WWOX: variants seen among roughly 807,000 people sequenced by gnomAD.
WWOX encodes the protein WW domain-containing oxidoreductase.
A neutral mutation model predicts 46.2 loss-of-function variants in WWOX; 69 were observed. The ratio of observed to expected loss-of-function variants is 1.49; its 90% CI spans 1.23 to 1.82. The LOEUF (loss-of-function observed/expected upper bound fraction) is 1.82. WWOX is among the 40% of genes most tolerant of loss of function. WWOX has a pLI of 0.00. For synonymous variants in WWOX, 359 were observed against 202.6 expected (o/e 1.77, Z -6.56); for missense variants, 919 against 542.6 (o/e 1.69, Z -6.89).
chr16:78,830,185 AAGG>A (rs1260132714), intron 8 of WWOX, among the ~76,000 whole-genome samples: 2 of 152,194 alleles, frequency 1.3e-5, no homozygotes, highest in Non-Finnish European at 2.9e-5. Context: ...GAAGAAAGAA[AAGG>A]AGGGAGAGGA....
chr16:78,910,334 A>G, intron 8 of WWOX, among the ~76,000 whole-genome samples: 1 of 150,896 alleles, frequency 6.6e-6, no homozygotes, highest in East Asian at 1.9e-4. Context: ...TCTGATTGAG[A>G]CTAACAAGGG....
Position 78,120,628 on chromosome 16 carries a change from T to C in WWOX, c.409+5474T>C, listed in dbSNP as rs1479440956. 7.9e-5 allele frequency among the ~76,000 whole-genome samples: 12 copies of C among 151,258 alleles called. 1 individual carries two copies. The highest frequency in any genetic ancestry group is 3.9e-4 in the Admixed American group (6 of 15,200). Reference sequence around the variant, plus strand: ...AGGGAATCCCAAAATGTAATTATAGTGTGATGTTGAAATTGATTGTCTTAG... The same window carrying C: ...AGGGAATCCCAAAATGTAATTATAGCGTGATGTTGAAATTGATTGTCTTAG... On this transcript the variant is annotated intron_variant, in intron 4 of 8. Coordinates refer to ENST00000566780, the MANE Select transcript of WWOX (RefSeq NM_016373.4).
chr16:78,930,960 C>A (rs372243800), intron 8 of WWOX, among the ~76,000 whole-genome samples: 17 of 152,288 alleles, frequency 1.1e-4, no homozygotes, highest in African/African-American at 4.1e-4. Flanking sequence ...TGAACCTGGA[C>A]ATGTCACTAG....
intron 8 of WWOX, among the ~76,000 whole-genome samples, chr16:78,705,695 T>A (rs558378985): frequency 6.6e-6 from 1 of 152,364 alleles, no homozygotes; most frequent in African/African-American, 2.4e-5. Context: ...TTTATTTATT[T>A]GCTTTTTTAC....
rs570486312 is a variant in WWOX at position 78,699,845 on chromosome 16, A to G, written c.1056+267093A>G. Among the ~76,000 whole-genome samples the G allele has an allele frequency of 9.1e-4, 138 of 152,210 alleles. 3 individuals carry two copies. In the South Asian group the frequency reaches 0.027, roughly 30 times the overall value. On this transcript the variant is annotated intron_variant, in intron 8 of 8. Coordinates refer to ENST00000566780, the MANE Select transcript of WWOX (RefSeq NM_016373.4). ...ATTTATATCCATGTAATATCAGGGTATTTCTCTTTGTAGCTGCATCTTCTA... is the reference window on the plus strand; with the variant it reads ...ATTTATATCCATGTAATATCAGGGTGTTTCTCTTTGTAGCTGCATCTTCTA...
At chr16:78,886,026 G>A (rs1164348232) in intron 8 of WWOX, among the ~76,000 whole-genome samples, 1 of 150,106 alleles carries the variant, frequency 6.7e-6, no homozygotes, top group African/African-American at 2.4e-5. Flanking sequence ...CCAAGTTCAA[G>A]CAATTCTCCC....
At chr16:78,160,987 A>T (rs972105130) in intron 4 of WWOX, among the ~76,000 whole-genome samples, 1 of 152,054 alleles carries the variant, frequency 6.6e-6, no homozygotes, top group East Asian at 1.9e-4. Context: ...TAGAATTGTC[A>T]TGTATTCTTG....
chr16:79,141,913 C>T (rs1310925544), intron 8 of WWOX, among the ~76,000 whole-genome samples: 1 of 152,110 alleles, frequency 6.6e-6, no homozygotes, highest in Admixed American at 6.6e-5. Flanking sequence ...AAGCAGTGTC[C>T]GTTAGTATGA....
chr16:78,855,443 T>G (rs1392578910), intron 8 of WWOX, among the ~76,000 whole-genome samples: 1 of 152,198 alleles, frequency 6.6e-6, no homozygotes, highest in Non-Finnish European at 1.5e-5. Context: ...ACAGGTGATC[T>G]GAAAGGCACC....
intron 8 of WWOX, among the ~76,000 whole-genome samples, chr16:79,129,728 A>G (rs953071367): frequency 1.3e-5 from 2 of 152,070 alleles, no homozygotes; most frequent in East Asian, 3.9e-4. Flanking sequence ...ATCTAAAGCC[A>G]TTAATAAATA....
intron 8 of WWOX, among the ~76,000 whole-genome samples, chr16:78,481,536 C>G (rs866361742): frequency 6.6e-6 from 1 of 151,912 alleles, no homozygotes; most frequent in Non-Finnish European, 1.5e-5. Flanking sequence ...AGAGTCATCC[C>G]TCACCTCCCA....
chr16:78,630,186 A>G (rs1326231573), intron 8 of WWOX, among the ~76,000 whole-genome samples: 1 of 152,172 alleles, frequency 6.6e-6, no homozygotes, highest in Admixed American at 6.5e-5. Flanking sequence ...ATGATTGTGT[A>G]TTCCTCATCT....
chr16:78,981,410 C>A (rs1456142457), intron 8 of WWOX, among the ~76,000 whole-genome samples: 1 of 151,392 alleles, frequency 6.6e-6, no homozygotes, highest in Admixed American at 6.6e-5. Flanking sequence ...CAGCACGTAT[C>A]ACATCCAGGA....
chr16:78,832,969 T>C (rs944233230), intron 8 of WWOX, among the ~76,000 whole-genome samples: 2 of 152,050 alleles, frequency 1.3e-5, no homozygotes, highest in Admixed American at 1.3e-4. Context: ...TATGTCCCCA[T>C]TGGTGTTAAT....
At chr16:79,034,333 G>A (rs767675112) in intron 8 of WWOX, among the ~76,000 whole-genome samples, 2 of 152,144 alleles carry the variant, frequency 1.3e-5, no homozygotes, top group Non-Finnish European at 1.5e-5. Context: ...ATCCATTTGG[G>A]CATTGTATAT....
chr16:78,161,345 A>T (rs1431347825), intron 4 of WWOX, among the ~76,000 whole-genome samples: 1 of 151,836 alleles, frequency 6.6e-6, no homozygotes, highest in African/African-American at 2.4e-5. Flanking sequence ...CTTCCTGTTA[A>T]GTTATTCTAT....
At chr16:78,798,168 C>G (rs2050793229) in intron 8 of WWOX, among the ~76,000 whole-genome samples, 1 of 152,130 alleles carries the variant, frequency 6.6e-6, no homozygotes, top group Non-Finnish European at 1.5e-5. Context: ...GTCATGATAC[C>G]AAAGCCACGG....
intron 5 of WWOX, among the ~76,000 whole-genome samples, chr16:78,336,467 C>G (rs1255431216): frequency 7.0e-6 from 1 of 142,148 alleles, no homozygotes; most frequent in African/African-American, 2.7e-5. Flanking sequence ...GATCTCACCA[C>G]TGCACTCTAG....
chr16:78,200,001 C>A (rs2036183922), intron 5 of WWOX, among the ~76,000 whole-genome samples: 1 of 152,334 alleles, frequency 6.6e-6, no homozygotes, highest in East Asian at 1.9e-4. Flanking sequence ...TAGAAATCAC[C>A]AAGGACCTGG....
Sources: allele counts gnomAD v4.1 joint callset (sites outside exome capture counted in the v4.1 genomes callset), GRCh38; gene constraint gnomAD v4.1.1; transcripts MANE v1.5; gene names NCBI Gene and HGNC (gene_info 2026-07-23, HGNC 2026-07-21).